Variants in EXD3 observed in about 807,000 individuals in gnomAD.
EXD3 encodes exonuclease mut-7 homolog.
In EXD3, 92 loss-of-function variants were observed where a neutral mutation model predicts 98.0. The observed-to-expected ratio is 0.94, with a 90% CI of 0.79 to 1.12. EXD3 has a LOEUF of 1.12. Among genes scored for constraint, EXD3 ranks in the 50% most tolerant of loss-of-function variants. The pLI is 0.00. For missense variants in EXD3, 1,222 were observed against 1,191.6 expected (o/e 1.03, Z -0.38); for synonymous variants, 569 against 526.0 (o/e 1.08, Z -1.12).
Position 137,349,242 on chromosome 9 carries a change from C to A in EXD3, c.1698G>T (p.Leu566=). ...GGTGGAAGCGGGCGGGCTCTCTGCACAGGGCTTGGTGCACCTCCAGCAGGC... is the reference window on the plus strand; with the variant it reads ...GGTGGAAGCGGGCGGGCTCTCTGCAAAGGGCTTGGTGCACCTCCAGCAGGC... ...AYCLLEVHQA[L]CREPARFHLS... is the part of the protein sequence containing the mutation. The change falls in exon 16 of 22, where the codon CTG becomes CTT. Residue 566 remains leucine (L), a synonymous_variant. Transcript: ENST00000340951. This position sits in a 1 kb window ranked among gnomAD's most constrained non-coding sequence, Gnocchi z 7.4. 6.3e-7 allele frequency: 1 copy of A among 1,574,814 alleles called. No individual in the cohort carries two copies. Among genetic ancestry groups the A allele is most frequent in the Non-Finnish European group, 8.6e-7 (1 of 1,167,106 alleles).
At chr9:137,332,565 C>T (rs941616719) in intron 17 of EXD3, among the ~76,000 whole-genome samples, 1 of 146,236 alleles carries the variant, frequency 6.8e-6, no homozygotes, top group Non-Finnish European at 1.5e-5. Flanking sequence ...TGGTATTGGC[C>T]AGGCGCAGTG....
At chr9:137,388,279 G>A (rs2131738451) in intron 2 of EXD3, among the ~76,000 whole-genome samples, 1 of 152,260 alleles carries the variant, frequency 6.6e-6, no homozygotes, top group East Asian at 1.9e-4. Context: ...AGGGTGTCCA[G>A]GCAGAGGCGG....
intron 8 of EXD3, 58 bp from the exon 9 acceptor site, chr9:137,354,831 T>C: frequency 6.5e-7 from 1 of 1,538,818 alleles, no homozygotes; most frequent in Non-Finnish European, 8.8e-7. Context: ...CACGGCCTCC[T>C]TCTGGGGCGG....
Position 137,395,838 on chromosome 9 carries a change from A to T in EXD3, c.-47-434T>A, listed in dbSNP as rs1041512362. 2.6e-5 allele frequency among the ~76,000 whole-genome samples: 4 copies of T among 151,908 alleles called. No homozygotes were observed. The highest frequency in any genetic ancestry group is 4.4e-5 in the Non-Finnish European group (3 of 67,968). On this transcript the variant is annotated intron_variant, in intron 1 of 21. Transcript: ENST00000340951. The surrounding 1 kb of genome is among the most constrained non-coding windows in gnomAD (Gnocchi z 6.5). ...GGCAAGGGCGCCTGCAGGACCAGGG[A>T]CCTCGGAGTGACGCCCTCACGGCTG...
rs562595880 is a variant in EXD3, at chr9:137,371,488, G to A, written c.462+1417C>T. ...CCTCCTCACGGTGAGGGGTCTTGCT[G>A]GGAAGAGGAACCCAGGGTGCCATCG... On this transcript the variant is annotated intron_variant, in intron 5 of 21. Transcript: ENST00000340951. This position sits in a 1 kb window ranked among gnomAD's most constrained non-coding sequence, Gnocchi z 8.0. Among the ~76,000 whole-genome samples, 1 of 152,274 alleles carries A rather than the reference G, an allele frequency of 6.6e-6. No individual in the cohort carries two copies. The highest frequency in any genetic ancestry group is 2.1e-4 in the South Asian group (1 of 4,826).
chr9:137,378,884 T>C, intron 3 of EXD3, among the ~76,000 whole-genome samples: 1 of 148,578 alleles, frequency 6.7e-6, no homozygotes, highest in Non-Finnish European at 1.5e-5. Flanking sequence ...GGTTTGTGGG[T>C]GACGGTGACC....
At chr9:137,373,933 G>A (rs1384934562) in intron 3 of EXD3, among the ~76,000 whole-genome samples, 1 of 152,276 alleles carries the variant, frequency 6.6e-6, no homozygotes, top group East Asian at 1.9e-4. Context: ...CGCGGGACAC[G>A]GGCCTGGCCT....
At chr9:137,363,390 T>G (rs1835082265) in intron 7 of EXD3, among the ~76,000 whole-genome samples, 1 of 142,108 alleles carries the variant, frequency 7.0e-6, no homozygotes, top group African/African-American at 2.7e-5. Flanking sequence ...CAGGCTGGAG[T>G]GCAGTGGCGT....
chr9:137,394,717 G>A (rs537884345), intron 2 of EXD3, among the ~76,000 whole-genome samples: 2 of 152,242 alleles, frequency 1.3e-5, no homozygotes, highest in African/African-American at 2.4e-5. Flanking sequence ...GCGGGGATGC[G>A]GCCTCCCCGG....
chr9:137,339,544 TAAG>T (rs1465232770), intron 17 of EXD3, among the ~76,000 whole-genome samples: 1 of 148,848 alleles, frequency 6.7e-6, no homozygotes, highest in Non-Finnish European at 1.5e-5. Flanking sequence ...CGCAATGTAT[TAAG>T]AAGGGTAATA....
Position 137,385,064 on chromosome 9 carries a change from C to T in EXD3, c.56-1687G>A, listed in dbSNP as rs1472188865. On this transcript the variant is annotated intron_variant, in intron 2 of 21. Transcript: ENST00000340951. The surrounding 1 kb of genome is among the most constrained non-coding windows in gnomAD (Gnocchi z 4.4). Reference sequence around the variant, plus strand: ...CCGAGATCGGGCCACTGCACTCCAGCCTGGGCAACAGAGCGAGACTCCGTC... The same window carrying T: ...CCGAGATCGGGCCACTGCACTCCAGTCTGGGCAACAGAGCGAGACTCCGTC... 1.3e-5 allele frequency among the ~76,000 whole-genome samples: 2 copies of T among 152,196 alleles called. No homozygotes were observed. The highest frequency in any genetic ancestry group is 4.8e-5 in the African/African-American group (2 of 41,466).
chr9:137,376,667 C>A (rs1381769782), intron 3 of EXD3, among the ~76,000 whole-genome samples: 1 of 152,020 alleles, frequency 6.6e-6, no homozygotes, highest in Admixed American at 6.6e-5. Context: ...TGGTGGTTCA[C>A]GCCTGTAATC....
chr9:137,344,703 T>G (rs949996215), intron 17 of EXD3, among the ~76,000 whole-genome samples: 1 of 152,198 alleles, frequency 6.6e-6, no homozygotes. Context: ...TCCTTTCTGT[T>G]TAAGAGCGCT....
intron 2 of EXD3, among the ~76,000 whole-genome samples, chr9:137,389,601 G>A (rs917162296): frequency 8.5e-5 from 13 of 152,134 alleles, no homozygotes; most frequent in Admixed American, 2.6e-4. Flanking sequence ...TGAGGCGGAC[G>A]CCACTCAGAG....
At chr9:137,341,046 T>C (rs1185066108) in intron 17 of EXD3, among the ~76,000 whole-genome samples, 1 of 152,192 alleles carries the variant, frequency 6.6e-6, no homozygotes, top group South Asian at 2.1e-4. Context: ...CTGGGCAGGG[T>C]GGCTCACACC....
chr9:137,338,824 C>T (rs554195681), intron 17 of EXD3, among the ~76,000 whole-genome samples: 2 of 145,896 alleles, frequency 1.4e-5, no homozygotes, highest in Non-Finnish European at 3.0e-5. Flanking sequence ...ACCCGGGAGG[C>T]GGAGCTTGTA....
rs918038480 is a variant in EXD3, at chr9:137,395,667, T to TG, written c.-47-264dup. On this transcript the variant is annotated intron_variant, in intron 1 of 21. Coordinates refer to ENST00000340951, the MANE Select transcript of EXD3 (RefSeq NM_017820.5). This position sits in a 1 kb window ranked among gnomAD's most constrained non-coding sequence, Gnocchi z 6.5. Reference sequence around the variant, plus strand: ...GGAGGGCAGGGGGTGGGAGGGGCCCTGGGGGGGGGCACAGTAGACAGACCC... The same window carrying TG: ...GGAGGGCAGGGGGTGGGAGGGGCCCTGGGGGGGGGGCACAGTAGACAGACCC... Among the ~76,000 whole-genome samples the TG allele has an allele frequency of 6.8e-4, 89 of 131,840 alleles. No homozygotes were observed. The highest frequency in any genetic ancestry group is 9.8e-4 in the South Asian group (4 of 4,072). 86.5% of individuals were successfully genotyped at this position (131,840 alleles called of 152,430 possible).
At chr9:137,366,423 C>T in intron 7 of EXD3, 70 bp downstream of exon 7, 1 of 1,527,950 alleles carries the variant, frequency 6.5e-7, no homozygotes, top group Middle Eastern at 1.7e-4. Context: ...TGCCCCCCTA[C>T]ACTCCCTTCC....
intron 3 of EXD3, chr9:137,374,659 C>G: frequency 3.0e-6 from 3 of 985,548 alleles, no homozygotes; most frequent in Non-Finnish European, 3.6e-6. Flanking sequence ...GTGCCATGCC[C>G]AAAGGCGCGG....
Sources: gnomAD v4.1 joint callset for allele counts (sites outside exome capture counted in the v4.1 genomes callset) on GRCh38, gnomAD v4.1.1 for gene constraint, Gnocchi (gnomAD v3.1) non-coding constraint, MANE v1.5 for transcripts, NCBI Gene and HGNC (gene_info 2026-07-23, HGNC 2026-07-21) for gene names.